Variants in UBR4 observed in about 807,000 individuals in gnomAD.
UBR4 encodes ubiquitin protein ligase E3 component n-recognin 4.
UBR4 carries 124 observed loss-of-function variants against 575.6 expected under a neutral mutation model. The observed-to-expected ratio is 0.22, with a 90% CI of 0.19 to 0.25. The LOEUF (loss-of-function observed/expected upper bound fraction) is 0.25, where lower values mean the gene tolerates loss of function less well. Among genes scored for constraint, UBR4 ranks in the 10% least tolerant of loss-of-function variants. The pLI is 1.00. For missense variants in UBR4, 4,818 were observed against 6,478.8 expected (o/e 0.74, Z 8.80); for synonymous variants, 2,455 against 2,473.7 (o/e 0.99, Z 0.22).
rs1320181989 is a variant in UBR4 at position 19,097,178 on chromosome 1, A to G, written c.13390+15T>C. On this transcript the variant is annotated intron_variant, in intron 91 of 105. Transcript: ENST00000375254. ...GTCCCAAGCCTCAGATCCAATGTGC[A>G]GTGCCATGATCTACCTGTAGTAGAG... The G allele has an allele frequency of 6.2e-7, 1 of 1,604,976 alleles. No individual in the cohort carries two copies. The highest frequency in any genetic ancestry group is 8.5e-7 in the Non-Finnish European group (1 of 1,176,442).
intron 99 of UBR4, among the ~76,000 whole-genome samples, 159 bp from the exon 100 acceptor site, chr1:19,086,980 A>C (rs944668841): frequency 1.3e-4 from 20 of 152,208 alleles, no homozygotes; most frequent in African/African-American, 4.8e-4. Flanking sequence ...CCAGCCCCTC[A>C]GTCTGTTGGT....
chr1:19,164,360 C>A lies in UBR4; in HGVS notation c.4593G>T (p.Gly1531=). Residue 1531 remains glycine, a synonymous_variant, in exon 33 of 106, where the codon GGG becomes GGT. Transcript: ENST00000375254. ...CAACCATAAGTTCAGGGAAGCCAGT[C>A]CCATCACCGTTGGCCAGCATCTCTG... ...MATEMLANGD[G]TGFPELMVVM... is the part of the protein sequence containing the mutation. The A allele has an allele frequency of 1.9e-6, 3 of 1,614,204 alleles. No homozygotes were observed. The highest frequency in any genetic ancestry group is 2.5e-6 in the Non-Finnish European group (3 of 1,180,042).
At position 19,198,879 on chromosome 1, in the gene UBR4, A is replaced by G. The variant is rs1558015350; in HGVS notation, c.428T>C (p.Leu143Pro). Reference sequence around the variant, plus strand: ...AAATGTGATAATTTCAGTTCTATCTAGTCGGCTACAGCCAGTGCACAGGCC... The same window carrying G: ...AAATGTGATAATTTCAGTTCTATCTGGTCGGCTACAGCCAGTGCACAGGCC... ...IKGLCTGCSR[L>P]DRTEIITFTA... Residue 143 changes from leucine to proline, a missense_variant, in exon 4 of 106, where the codon CTA becomes CCA. Coordinates refer to ENST00000375254, the MANE Select transcript of UBR4 (RefSeq NM_020765.3). 1 of 1,614,262 alleles carries G rather than the reference A, an allele frequency of 6.2e-7. No homozygotes were observed. The highest frequency in any genetic ancestry group is 8.5e-7 in the Non-Finnish European group (1 of 1,180,050).
Position 19,121,320 on chromosome 1 carries a change from G to T in UBR4, c.10010C>A (p.Ala3337Glu). The T allele has an allele frequency of 6.2e-7, 1 of 1,614,230 alleles. No individual in the cohort carries two copies. Among genetic ancestry groups the T allele is most frequent in the Non-Finnish European group, 8.5e-7 (1 of 1,180,024 alleles). ...AGCACTGGAGGATCCCGAAGAGGCT[G>T]CCAGTGCAGCGAGCACCTTGCTGCC... ...LCGSKVLAAL[A>E]ASSGSSSASS... The change falls in exon 68 of 106, where the codon GCA (alanine) becomes GAA (glutamate). Residue 3337 changes from alanine (A) to glutamate (E), a missense_variant. Coordinates refer to ENST00000375254, the MANE Select transcript of UBR4 (RefSeq NM_020765.3).
chr1:19,091,187 T>C (rs1474719812), intron 97 of UBR4, among the ~76,000 whole-genome samples: 3 of 152,140 alleles, frequency 2.0e-5, no homozygotes, highest in African/African-American at 7.2e-5. Flanking sequence ...ACCGTGTTCC[T>C]TGATTTATCC....
rs771357017 is a variant in UBR4, at chr1:19,152,470, C to A, written c.6839G>T (p.Arg2280Leu). The A allele has an allele frequency of 1.2e-6, 2 of 1,613,714 alleles. No homozygotes were observed. Among genetic ancestry groups the A allele is most frequent in the Non-Finnish European group, 1.7e-6 (2 of 1,179,842 alleles). ...GGGGAAAGTCACCTGGCTAGACGTG[C>A]GGGTTGCTGCAGAGAACGGTACCAG... Reference protein sequence around the residue: ...RKRKTATITTRTSSQVTFPID... With the variant: ...RKRKTATITTLTSSQVTFPID... The change falls in exon 47 of 106, where the codon CGC becomes CTC. Residue 2280 changes from arginine to leucine, a missense_variant. This residue lies in a region of UBR4 where 461 missense variants were observed against 606.9 expected (regional missense o/e 0.76). Coordinates refer to ENST00000375254, the MANE Select transcript of UBR4 (RefSeq NM_020765.3). The surrounding 1 kb of genome is among the most constrained non-coding windows in gnomAD (Gnocchi z 4.4).
Position 19,117,083 on chromosome 1 carries a change from G to A in UBR4, c.10823+138C>T, listed in dbSNP as rs1338459973. The A allele has an allele frequency of 1.1e-6, 1 of 880,248 alleles. No individual in the cohort carries two copies. Among genetic ancestry groups the A allele is most frequent in the Non-Finnish European group, 1.8e-6 (1 of 569,172 alleles). 54.5% of individuals were successfully genotyped at this position (880,248 alleles called of 1,614,324 possible). A position where few individuals can be genotyped will look rare whatever the true frequency, so the allele number is the denominator to read the frequency against. ...AACTGTTGTTTCACTTTTGTCCTTTGGTCATGAATGGAGGGGCCAAGAGGA... is the reference window on the plus strand; with the variant it reads ...AACTGTTGTTTCACTTTTGTCCTTTAGTCATGAATGGAGGGGCCAAGAGGA... On this transcript the variant is annotated intron_variant, in intron 73 of 105. Coordinates refer to ENST00000375254, the MANE Select transcript of UBR4 (RefSeq NM_020765.3). This position sits in a 1 kb window ranked among gnomAD's most constrained non-coding sequence, Gnocchi z 4.0.
rs529771932 is a variant in UBR4, at chr1:19,152,455, A to C, written c.6854T>G (p.Val2285Gly). 4.9e-5 allele frequency: 79 copies of C among 1,613,828 alleles called. No individual in the cohort carries two copies. Among genetic ancestry groups the C allele is most frequent in the Non-Finnish European group, 6.4e-5 (76 of 1,179,850 alleles). Residue 2285 changes from valine (V) to glycine (G), a missense_variant, in exon 47 of 106, where the codon GTG becomes GGG. Val to Gly is a moderately radical substitution (Grantham distance 109). Coordinates refer to ENST00000375254, the MANE Select transcript of UBR4 (RefSeq NM_020765.3). This position sits in a 1 kb window ranked among gnomAD's most constrained non-coding sequence, Gnocchi z 4.4. ...TTCAAAAAAGTCAATGGGGAAAGTCACCTGGCTAGACGTGCGGGTTGCTGC... is the reference window on the plus strand; with the variant it reads ...TTCAAAAAAGTCAATGGGGAAAGTCCCCTGGCTAGACGTGCGGGTTGCTGC... ...ATITTRTSSQ[V>G]TFPIDFFEHN...
chr1:19,102,870 G>A (rs1396252534), intron 87 of UBR4, among the ~76,000 whole-genome samples: 2 of 152,142 alleles, frequency 1.3e-5, no homozygotes, highest in Non-Finnish European at 1.5e-5. Flanking sequence ...TGAGGAAATT[G>A]ACTTTCCTTA....
intron 15 of UBR4, among the ~76,000 whole-genome samples, chr1:19,184,662 C>T (rs1259458086): frequency 6.6e-6 from 1 of 152,166 alleles, no homozygotes; most frequent in Non-Finnish European, 1.5e-5. Flanking sequence ...ATCTGACTCA[C>T]TCACATCATC....
At chr1:19,198,075 A>C in intron 5 of UBR4, 26 bp from the exon 6 acceptor site, 1 of 1,605,316 alleles carries the variant, frequency 6.2e-7, no homozygotes, top group Admixed American at 1.7e-5. Context: ...AGGCCTGTCA[A>C]GATACTATTA....
intron 8 of UBR4, among the ~76,000 whole-genome samples, chr1:19,194,540 G>A (rs1287034256): frequency 6.6e-6 from 1 of 152,098 alleles, no homozygotes; most frequent in Non-Finnish European, 1.5e-5. Context: ...GGTGGCTCAC[G>A]CCTGTAATCT....
At chr1:19,113,532 G>T (rs943401689) in intron 77 of UBR4, 167 bp downstream of exon 77, 18 of 957,646 alleles carry the variant, frequency 1.9e-5, no homozygotes, top group Non-Finnish European at 2.8e-5. Context: ...AAATCACGGT[G>T]GGGGAGATGC....
intron 8 of UBR4, among the ~76,000 whole-genome samples, chr1:19,195,453 G>A (rs933901005): frequency 2.6e-5 from 4 of 151,936 alleles, no homozygotes; most frequent in South Asian, 2.1e-4. Flanking sequence ...TCTTTAATCC[G>A]ACTATGAATT....
In UBR4 at chr1:19,177,823, T is replaced by A. The variant is rs530702700; in HGVS notation, c.2355-80A>T. Reference sequence around the variant, plus strand: ...GTTATAATGTCAAGCACTAGAAGAGTTAAATTTCCTAAACCCAGGCAGTAA... The same window carrying A: ...GTTATAATGTCAAGCACTAGAAGAGATAAATTTCCTAAACCCAGGCAGTAA... On this transcript the variant is annotated intron_variant, in intron 18 of 105. Coordinates refer to ENST00000375254, the MANE Select transcript of UBR4 (RefSeq NM_020765.3). 5.5e-6 allele frequency: 8 copies of A among 1,454,712 alleles called. No individual in the cohort carries two copies. The African/African-American group carries it at 1.1e-4, about 21-fold the overall frequency. 90.1% of individuals were successfully genotyped at this position (1,454,712 alleles called of 1,614,324 possible).
chr1:19,174,138 A>G lies in UBR4; in HGVS notation c.2982+181T>C, dbSNP rs542188779. 4.6e-5 allele frequency among the ~76,000 whole-genome samples: 7 copies of G among 152,368 alleles called. No homozygotes were observed. The East Asian group carries it at 9.6e-4, about 21-fold the overall frequency. ...TCAATGGTAACCAAAAAAATGCAAC[A>G]GCTGATTAAATTATCTTTAAGGTGA... On this transcript the variant is annotated intron_variant, in intron 22 of 105. Coordinates refer to ENST00000375254, the MANE Select transcript of UBR4 (RefSeq NM_020765.3).
chr1:19,198,652 T>C lies in UBR4; in HGVS notation c.537A>G (p.Pro179=), dbSNP rs773138995. 1.1e-5 allele frequency: 17 copies of C among 1,614,088 alleles called. No individual in the cohort carries two copies. Among genetic ancestry groups the C allele is most frequent in the Non-Finnish European group, 3.4e-6 (4 of 1,180,040 alleles). The change falls in exon 5 of 106, where the codon CCA becomes CCG. Residue 179 remains proline (P), a synonymous_variant. Coordinates refer to ENST00000375254, the MANE Select transcript of UBR4 (RefSeq NM_020765.3). ...CCTTTTGCCTCAACTCAGGGCTTAC[T>C]GGTGAGGCCAGCTCTTTCTGATCTT... ...DVEDQKELAS[P]VSPELRQKEV...
intron 17 of UBR4, among the ~76,000 whole-genome samples, chr1:19,183,144 A>G (rs2091178067): frequency 6.6e-6 from 1 of 152,198 alleles, no homozygotes; most frequent in African/African-American, 2.4e-5. Flanking sequence ...TCTTTCTTCA[A>G]TTACTAAGGA....
At chr1:19,078,271 TG>T (rs1300787227) in intron 103 of UBR4, 4 of 526,212 alleles carry the variant, frequency 7.6e-6, no homozygotes, top group Non-Finnish European at 1.4e-5. Context: ...GTTACAAAAA[TG>T]CTCCATGAAA....
Sources: gnomAD v4.1 joint callset for allele counts (sites outside exome capture counted in the v4.1 genomes callset) on GRCh38, gnomAD v4.1.1 for gene constraint, gnomAD v4.1.1 regional missense constraint, Gnocchi (gnomAD v3.1) non-coding constraint, MANE v1.5 for transcripts, NCBI Gene and HGNC (gene_info 2026-07-23, HGNC 2026-07-21) for gene names.